TANGO6: variants seen among roughly 807,000 people sequenced by gnomAD.
The protein encoded by TANGO6 is transport and golgi organization 6 homolog.
A neutral mutation model predicts 114.2 loss-of-function variants in TANGO6; 90 were observed. The observed-to-expected ratio is 0.79, with a 90% CI of 0.66 to 0.94. The LOEUF (loss-of-function observed/expected upper bound fraction) is 0.94. Ranked by LOEUF, TANGO6 falls within the 40% of genes least tolerant of loss-of-function variation. TANGO6 has a pLI of 0.00. For missense variants in TANGO6, 1,274 were observed against 1,315.3 expected (o/e 0.97, Z 0.49); for synonymous variants, 477 against 509.8 (o/e 0.94, Z 0.87).
chr16:68,880,214 C>T (rs1344911323), intron 6 of TANGO6, among the ~76,000 whole-genome samples: 7 of 152,106 alleles, frequency 4.6e-5, no homozygotes, highest in Admixed American at 2.6e-4. Flanking sequence ...CTTTGTGATC[C>T]GCCTGCCTTG....
intron 7 of TANGO6, among the ~76,000 whole-genome samples, chr16:68,887,958 T>C (rs946268592): frequency 6.6e-5 from 10 of 152,028 alleles, no homozygotes; most frequent in Non-Finnish European, 1.0e-4. Context: ...GGAAAAAGTA[T>C]AGGGGAAGGG....
intron 16 of TANGO6, among the ~76,000 whole-genome samples, chr16:69,032,959 G>A (rs1484355480): frequency 6.6e-6 from 1 of 151,652 alleles, no homozygotes; most frequent in African/African-American, 2.4e-5. Flanking sequence ...GCCAAGGCAG[G>A]CAGATCACCC....
At chr16:68,977,671 G>A (rs537423992) in intron 15 of TANGO6, among the ~76,000 whole-genome samples, 2 of 150,516 alleles carry the variant, frequency 1.3e-5, no homozygotes, top group African/African-American at 2.4e-5. Flanking sequence ...CCACTGCAAC[G>A]CCAGCCTGGC....
rs9928120 is a variant in TANGO6 at position 68,924,273 on chromosome 16, G to C, written c.2128-3295G>C. On this transcript the variant is annotated intron_variant, in intron 12 of 17. Transcript: ENST00000261778. ...TTATACACATCGTTAAAGATTTTCA[G>C]AGCTTTGGCCAGGTGCCAGTGGCTC... Among the ~76,000 whole-genome samples, 186 of 152,298 alleles carry C rather than the reference G, an allele frequency of 1.2e-3. 1 individual carries two copies. The highest frequency in any genetic ancestry group is 4.3e-3 in the African/African-American group (180 of 41,576).
At chr16:68,958,904 C>G (rs551623640) in intron 14 of TANGO6, among the ~76,000 whole-genome samples, 3 of 152,118 alleles carry the variant, frequency 2.0e-5, no homozygotes, top group Non-Finnish European at 4.4e-5. Context: ...TGCCACTGCA[C>G]TCCAGTCTGG....
At chr16:68,900,953 T>C (rs1054324783) in intron 8 of TANGO6, among the ~76,000 whole-genome samples, 1 of 152,228 alleles carries the variant, frequency 6.6e-6, no homozygotes, top group Admixed American at 6.5e-5. Flanking sequence ...CTTTGTAATT[T>C]AGCCTAGGAT....
chr16:68,879,048 C>G (rs548544114), intron 6 of TANGO6, among the ~76,000 whole-genome samples: 2 of 151,818 alleles, frequency 1.3e-5, no homozygotes, highest in South Asian at 2.1e-4. Context: ...TGCACTTTAG[C>G]CTGGGCAACA....
At chr16:68,880,030 T>C (rs1169684110) in intron 6 of TANGO6, among the ~76,000 whole-genome samples, 1 of 152,006 alleles carries the variant, frequency 6.6e-6, no homozygotes, top group Non-Finnish European at 1.5e-5. Flanking sequence ...TTGAGTGCAG[T>C]GGCACAATCT....
chr16:68,852,970 T>C (rs1024169528), intron 1 of TANGO6, among the ~76,000 whole-genome samples: 3 of 152,248 alleles, frequency 2.0e-5, no homozygotes, highest in Non-Finnish European at 2.9e-5. Flanking sequence ...CATCAACTCA[T>C]GTTTTCTCTT....
chr16:68,908,634 G>A (rs1962883474), intron 10 of TANGO6, among the ~76,000 whole-genome samples: 1 of 152,176 alleles, frequency 6.6e-6, no homozygotes, highest in Non-Finnish European at 1.5e-5. Context: ...GAGCCAAAAA[G>A]GGTAGGTGAA....
chr16:68,878,573 C>T (rs1962407507), intron 6 of TANGO6, among the ~76,000 whole-genome samples: 1 of 152,072 alleles, frequency 6.6e-6, no homozygotes, highest in Admixed American at 6.6e-5. Context: ...TAGTTGCAGA[C>T]ATCACAACAC....
intron 16 of TANGO6, among the ~76,000 whole-genome samples, chr16:69,030,575 G>A (rs1213955362): frequency 2.0e-5 from 3 of 151,970 alleles, no homozygotes; most frequent in Admixed American, 6.6e-5. Flanking sequence ...GTGCAGGTAG[G>A]GGCCACATCA....
At chr16:69,015,784 G>C (rs1308311075) in intron 15 of TANGO6, among the ~76,000 whole-genome samples, 1 of 152,052 alleles carries the variant, frequency 6.6e-6, no homozygotes, top group African/African-American at 2.4e-5. Context: ...CTGGCCAATG[G>C]ATGCTCATTT....
intron 17 of TANGO6, among the ~76,000 whole-genome samples, chr16:69,073,666 G>A (rs898147601): frequency 6.6e-6 from 1 of 152,114 alleles, no homozygotes; most frequent in African/African-American, 2.4e-5. Flanking sequence ...GGTTAGAAAG[G>A]GCACTCGAAG....
intron 14 of TANGO6, among the ~76,000 whole-genome samples, chr16:68,966,987 G>T (rs1963652477): frequency 6.6e-6 from 1 of 152,082 alleles, no homozygotes; most frequent in South Asian, 2.1e-4. Context: ...GGCCAGGCTG[G>T]TCTCAAACCC....
intron 6 of TANGO6, among the ~76,000 whole-genome samples, chr16:68,878,802 G>T (rs76992249): frequency 0.012 from 1,891 of 151,960 alleles, 36 homozygotes; most frequent in African/African-American, 0.041. Context: ...GCTGGGCGTG[G>T]TGGCTCATGC....
intron 14 of TANGO6, among the ~76,000 whole-genome samples, chr16:68,971,312 C>A (rs1963702272): frequency 6.6e-6 from 1 of 152,140 alleles, no homozygotes. Flanking sequence ...CTCACTGTCA[C>A]CCAGCTGGAG....
chr16:68,953,777 C>G (rs1963497879), intron 14 of TANGO6, among the ~76,000 whole-genome samples: 1 of 152,148 alleles, frequency 6.6e-6, no homozygotes, highest in African/African-American at 2.4e-5. Context: ...GACAGCTAGT[C>G]TATATGAATA....
At chr16:68,933,392 G>A (rs1316165886) in intron 14 of TANGO6, among the ~76,000 whole-genome samples, 1 of 152,200 alleles carries the variant, frequency 6.6e-6, no homozygotes. Flanking sequence ...TCCATCCTGG[G>A]CAGCAGAGCA....
Sources: gnomAD v4.1 joint callset for allele counts (sites outside exome capture counted in the v4.1 genomes callset) on GRCh38, gnomAD v4.1.1 for gene constraint, MANE v1.5 for transcripts, NCBI Gene and HGNC (gene_info 2026-07-23, HGNC 2026-07-21) for gene names.